Variants in KCNQ1 observed in about 807,000 individuals in gnomAD.
KCNQ1 encodes the protein potassium voltage-gated channel subfamily KQT member 1.
KCNQ1 carries 49 observed loss-of-function variants against 72.4 expected under a neutral mutation model. The observed-to-expected ratio is 0.68, with a 90% CI of 0.54 to 0.86. The LOEUF is 0.86. Among genes scored for constraint, KCNQ1 ranks in the 40% least tolerant of loss-of-function variants. The pLI is 0.00. For synonymous variants in KCNQ1, 450 were observed against 412.6 expected, an observed-to-expected ratio of 1.09 and a Z score of -1.10; for missense variants, 790 against 945.1, an observed-to-expected ratio of 0.84 and a Z score of 2.15.
At chr11:2,581,449 G>A (rs1396658092) in intron 6 of KCNQ1, among the ~76,000 whole-genome samples, 1 of 152,224 alleles carries the variant, frequency 6.6e-6, no homozygotes, top group African/African-American at 2.4e-5. Context: ...GTGCATGTGG[G>A]TGCAGGCCCT....
chr11:2,450,507 T>C lies in KCNQ1; in HGVS notation c.386+5023T>C, dbSNP rs1288555299. 1.3e-5 allele frequency among the ~76,000 whole-genome samples: 2 copies of C among 151,990 alleles called. No individual in the cohort carries two copies. The highest frequency in any genetic ancestry group is 2.9e-5 in the Non-Finnish European group (2 of 68,000). The stretch of plus-strand genomic sequence containing the variant: ...GGAGGGCGGCAGCGTCTGGCTTCAC[T>C]CTCGGGAGGTGCCTTGGGGCTGGCC... On this transcript the variant is annotated intron_variant, in intron 1 of 15. Transcript: ENST00000155840. The surrounding 1 kb of genome is among the most constrained non-coding windows in gnomAD (Gnocchi z 7.9).
intron 12 of KCNQ1, among the ~76,000 whole-genome samples, chr11:2,774,505 C>G (rs1846657287): frequency 6.6e-6 from 1 of 152,208 alleles, no homozygotes; most frequent in Non-Finnish European, 1.5e-5. Context: ...CTGCTTGTGT[C>G]AGGTGGAAGA....
rs1380139644 is a variant in KCNQ1, at chr11:2,493,877, C to A, written c.387-34051C>A. ...AAATTTAAAGTAGTTTTTTCTAATT[C>A]TGTGAAGAAAGTCAATGATAGCTTG... On this transcript the variant is annotated intron_variant, in intron 1 of 15. Transcript: ENST00000155840. The surrounding 1 kb of genome is among the most constrained non-coding windows in gnomAD (Gnocchi z 5.3). Among the ~76,000 whole-genome samples, 1 of 152,052 alleles carries A rather than the reference C, an allele frequency of 6.6e-6. No individual in the cohort carries two copies. The highest frequency in any genetic ancestry group is 2.4e-5 in the African/African-American group (1 of 41,398).
chr11:2,509,519 C>T lies in KCNQ1; in HGVS notation c.387-18409C>T, dbSNP rs1486796027. ...GCAGAGACAGAGGAAGGCAGGGCAGCCTGCTCAGAGGATGAGCCCAGCTAT... is the reference window on the plus strand; with the variant it reads ...GCAGAGACAGAGGAAGGCAGGGCAGTCTGCTCAGAGGATGAGCCCAGCTAT... On this transcript the variant is annotated intron_variant, in intron 1 of 15. Transcript: ENST00000155840. This position sits in a 1 kb window ranked among gnomAD's most constrained non-coding sequence, Gnocchi z 6.3. Among the ~76,000 whole-genome samples, 1 of 152,160 alleles carries T rather than the reference C, an allele frequency of 6.6e-6. No individual in the cohort carries two copies. Among genetic ancestry groups the T allele is most frequent in the African/African-American group, 2.4e-5 (1 of 41,440 alleles).
intron 2 of KCNQ1, among the ~76,000 whole-genome samples, chr11:2,556,732 T>C (rs903638375): frequency 6.6e-6 from 1 of 152,180 alleles, no homozygotes; most frequent in Non-Finnish European, 1.5e-5. Flanking sequence ...AATTCTTATC[T>C]TCCTGAGGAG....
rs1402038328 is a variant in KCNQ1 at position 2,753,880 on chromosome 11, TG to T, written c.1515-14962del. ...CACAAGGAACTGAGACATCTGTGGC[TG>T]GTTTTTTTTGTTGTTGTTGTTTTTC... is the stretch of plus-strand genomic sequence containing the variant. On this transcript the variant is annotated intron_variant, in intron 11 of 15. Coordinates refer to ENST00000155840, the MANE Select transcript of KCNQ1 (RefSeq NM_000218.3). 2.0e-5 allele frequency among the ~76,000 whole-genome samples: 3 copies of T among 152,270 alleles called. No homozygotes were observed. In the East Asian group the frequency reaches 5.8e-4, roughly 29 times the overall value.
intron 11 of KCNQ1, chr11:2,688,987 A>G (rs752221211): frequency 2.3e-5 from 9 of 398,628 alleles, no homozygotes; most frequent in Non-Finnish European, 4.0e-5. Context: ...TCTGGAGAGC[A>G]GGGGAGCCTG....
chr11:2,478,577 A>C lies in KCNQ1; in HGVS notation c.386+33093A>C, dbSNP rs1450801570. On this transcript the variant is annotated intron_variant, in intron 1 of 15. Transcript: ENST00000155840. The surrounding 1 kb of genome is among the most constrained non-coding windows in gnomAD (Gnocchi z 4.0). Reference sequence around the variant, plus strand: ...ACTTATTCATTACCATGAGAACAGCATGGAGGAAACCACCCCCATGATTCA... The same window carrying C: ...ACTTATTCATTACCATGAGAACAGCCTGGAGGAAACCACCCCCATGATTCA... Among the ~76,000 whole-genome samples the C allele has an allele frequency of 6.6e-6, 1 of 152,156 alleles. No homozygotes were observed. The highest frequency in any genetic ancestry group is 1.5e-5 in the Non-Finnish European group (1 of 68,038).
At position 2,768,414 on chromosome 11, in the gene KCNQ1, C is replaced by T. The variant is rs1846534069; in HGVS notation, c.1515-430C>T. On this transcript the variant is annotated intron_variant, in intron 11 of 15. Transcript: ENST00000155840. The surrounding 1 kb of genome is among the most constrained non-coding windows in gnomAD (Gnocchi z 6.7). ...CAAGCGCTTGCTGTTTGTGGGGCTA[C>T]AGGACACAGCAGCTGAAAGGGGCTG... 6.6e-6 allele frequency among the ~76,000 whole-genome samples: 1 copy of T among 152,198 alleles called. No individual in the cohort carries two copies. The highest frequency in any genetic ancestry group is 2.4e-5 in the African/African-American group (1 of 41,448).
intron 15 of KCNQ1, among the ~76,000 whole-genome samples, chr11:2,807,683 C>T (rs1325026602): frequency 6.6e-6 from 1 of 151,724 alleles, no homozygotes; most frequent in Non-Finnish European, 1.5e-5. Context: ...TCCAGGGCCC[C>T]CCTTCCCTCA....
chr11:2,595,962 A>T lies in KCNQ1; in HGVS notation c.1393+7108A>T, dbSNP rs1383155772. Among the ~76,000 whole-genome samples, 2 of 152,162 alleles carry T rather than the reference A, an allele frequency of 1.3e-5. No homozygotes were observed. The highest frequency in any genetic ancestry group is 3.9e-4 in the East Asian group (2 of 5,194). ...TCAGCATTAACAGGAATTGGGAAAA[A>T]GTTGATTCCAACCCTCATGGATGAC... On this transcript the variant is annotated intron_variant, in intron 10 of 15. Transcript: ENST00000155840. This position sits in a 1 kb window ranked among gnomAD's most constrained non-coding sequence, Gnocchi z 5.0.
Position 2,673,724 on chromosome 11 carries a change from G to GC in KCNQ1, c.1514+11646dup, listed in dbSNP as rs1230954799. On this transcript the variant is annotated intron_variant, in intron 11 of 15. Transcript: ENST00000155840. This position sits in a 1 kb window ranked among gnomAD's most constrained non-coding sequence, Gnocchi z 4.5. ...GTTGCTGAATCTCAGGGCTTGGAAG[G>GC]CCCAGACTGGACAGGGGAAGGGGTA... is the stretch of plus-strand genomic sequence containing the variant. 14 of 398,460 alleles carry GC rather than the reference G, an allele frequency of 3.5e-5. No individual in the cohort carries two copies. 24.7% of individuals were successfully genotyped at this position (398,460 alleles called of 1,614,324 possible).
intron 15 of KCNQ1, among the ~76,000 whole-genome samples, chr11:2,820,763 T>C (rs1356697330): frequency 6.6e-6 from 1 of 152,228 alleles, no homozygotes; most frequent in African/African-American, 2.4e-5. Context: ...GGAAATGGTC[T>C]CCATTGAGGG....
At chr11:2,530,384 T>G (rs1005826970) in intron 2 of KCNQ1, among the ~76,000 whole-genome samples, 1 of 152,086 alleles carries the variant, frequency 6.6e-6, no homozygotes, top group African/African-American at 2.4e-5. Flanking sequence ...ATGGGGCGGG[T>G]CTGTGGGGGG....
intron 1 of KCNQ1, among the ~76,000 whole-genome samples, chr11:2,496,495 C>CTTTTTTTTTTTTTTTTTTTTTTTGTT (rs1846920820): frequency 3.4e-5 from 1 of 29,830 alleles, no homozygotes; most frequent in African/African-American, 1.1e-4. Context: ...ACAACCCCTG[C>CTTTTTTTTTTTTTTTTTTTTTTTGTT]TTTTTTTTTT....
rs1240176927 is a variant in KCNQ1, at chr11:2,492,683, C to CA, written c.387-35244dup. ...TTCATCCCCACAAAAGACATGAACT[C>CA]ATTCTTTTTTTATGGCTGCATATTA... On this transcript the variant is annotated intron_variant, in intron 1 of 15. Coordinates refer to ENST00000155840, the MANE Select transcript of KCNQ1 (RefSeq NM_000218.3). The surrounding 1 kb of genome is among the most constrained non-coding windows in gnomAD (Gnocchi z 4.1). Among the ~76,000 whole-genome samples, 1 of 152,160 alleles carries CA rather than the reference C, an allele frequency of 6.6e-6. No homozygotes were observed. Among genetic ancestry groups the CA allele is most frequent in the African/African-American group, 2.4e-5 (1 of 41,428 alleles).
In KCNQ1 at chr11:2,484,768, A is replaced by G. The variant is rs1357950102; in HGVS notation, c.386+39284A>G. 4.6e-5 allele frequency among the ~76,000 whole-genome samples: 7 copies of G among 152,178 alleles called. No homozygotes were observed. Among genetic ancestry groups the G allele is most frequent in the African/African-American group, 1.4e-4 (6 of 41,456 alleles). On this transcript the variant is annotated intron_variant, in intron 1 of 15. Transcript: ENST00000155840. The surrounding 1 kb of genome is among the most constrained non-coding windows in gnomAD (Gnocchi z 5.2). The stretch of plus-strand genomic sequence containing the variant: ...CCCACTCGGCCGACGGAGCTGGGGA[A>G]TATGTGTATGGCACCCCCACGTCTA...
Position 2,449,128 on chromosome 11 carries a change from A to G in KCNQ1, c.386+3644A>G, listed in dbSNP as rs547992901. ...GCCCTGTGGCTGGGCTGCCTTGGCC[A>G]GGGTCCTGGGCCTTCTGAGTCTGCG... On this transcript the variant is annotated intron_variant, in intron 1 of 15. Transcript: ENST00000155840. 1.6e-4 allele frequency among the ~76,000 whole-genome samples: 25 copies of G among 152,292 alleles called. No homozygotes were observed. In the South Asian group the frequency reaches 5.0e-3, roughly 30 times the overall value.
chr11:2,757,513 A>G (rs1846322955), intron 11 of KCNQ1, among the ~76,000 whole-genome samples: 1 of 152,260 alleles, frequency 6.6e-6, no homozygotes, highest in Non-Finnish European at 1.5e-5. Flanking sequence ...TTACCTATAA[A>G]TATAGCATAA....
Sources: gnomAD v4.1 joint callset for allele counts (sites outside exome capture counted in the v4.1 genomes callset) on GRCh38, gnomAD v4.1.1 for gene constraint, Gnocchi (gnomAD v3.1) non-coding constraint, MANE v1.5 for transcripts, NCBI Gene and HGNC (gene_info 2026-07-23, HGNC 2026-07-21) for gene names.